Variants in CCDC3 observed in about 807,000 individuals in gnomAD.
The protein encoded by CCDC3 is coiled-coil domain-containing protein 3.
CCDC3 carries 24 observed loss-of-function variants against 21.4 expected under a neutral mutation model. The ratio of observed to expected loss-of-function variants is 1.12; its 90% CI spans 0.81 to 1.58. CCDC3 has a LOEUF of 1.58. CCDC3 is among the 40% of genes most tolerant of loss of function. CCDC3 has a pLI of 0.00. For missense variants in CCDC3, 425 were observed against 360.9 expected (o/e 1.18, Z -1.44); for synonymous variants, 186 against 166.0 (o/e 1.12, Z -0.93).
intron 5 of CCDC3, among the ~76,000 whole-genome samples, chr10:13,030,781 A>G (rs1183758752): frequency 6.6e-6 from 1 of 152,232 alleles, no homozygotes; most frequent in African/African-American, 2.4e-5. Context: ...GATCAATTCA[A>G]CAAGAAGAGC....
chr10:13,055,133 C>T (rs1836664768), intron 4 of CCDC3, among the ~76,000 whole-genome samples: 1 of 152,190 alleles, frequency 6.6e-6, no homozygotes, highest in Non-Finnish European at 1.5e-5. Context: ...TGGTGCTGGC[C>T]TTTGGCCTCT....
chr10:13,041,504 AT>A lies in CCDC3; in HGVS notation c.-2+8169del, dbSNP rs71477255. Among the ~76,000 whole-genome samples the A allele has an allele frequency of 1.0e-3, 62 of 62,114 alleles. 1 individual carries two copies. Among genetic ancestry groups the A allele is most frequent in the South Asian group, 8.4e-3 (13 of 1,540 alleles). 40.7% of individuals were successfully genotyped at this position (62,114 alleles called of 152,430 possible). A position where few individuals can be genotyped will look rare whatever the true frequency, so the allele number is the denominator to read the frequency against. On this transcript the variant is annotated intron_variant, in intron 5 of 6. Coordinates refer to the CCDC3 transcript ENST00000378839. ...GTTCACTCCAAGTGTCTGGCAGATA[AT>A]TTTTTTTTTTTTTTTTTTTTTTTTT...
At chr10:13,004,323 T>C (rs1378694587), upstream of CCDC3, among the ~76,000 whole-genome samples, 3 of 152,150 alleles carry the variant, frequency 2.0e-5, no homozygotes, top group Non-Finnish European at 4.4e-5. Context: ...TTCCAGGTGA[T>C]GGGACATGTG....
chr10:13,005,390 C>A (rs1835914752), upstream of CCDC3, among the ~76,000 whole-genome samples: 1 of 152,210 alleles, frequency 6.6e-6, no homozygotes, highest in South Asian at 2.1e-4. Flanking sequence ...CCTGCCCAAT[C>A]CCAGTCTCTT....
At chr10:13,022,006 T>A (rs825419) in intron 5 of CCDC3, among the ~76,000 whole-genome samples, 2 of 152,064 alleles carry the variant, frequency 1.3e-5, no homozygotes, top group South Asian at 4.2e-4. Context: ...GTGATCTGCC[T>A]GCCTTGGCCT....
chr10:13,091,262 T>G (rs1433507686), intron 3 of CCDC3, among the ~76,000 whole-genome samples: 1 of 152,164 alleles, frequency 6.6e-6, no homozygotes, highest in Non-Finnish European at 1.5e-5. Context: ...TCCTTCAATC[T>G]GATCAAGTTG....
rs1392514200 is a variant in CCDC3 at position 12,998,388 on chromosome 10, GC to G, written c.498del (p.Gln167SerfsTer55). Reference protein sequence around the residue: ...SLFQFSNCSQGQQLATFSSDW... With the variant: ...SLFQFSNCSQXQQLATFSSDW... ...TCACTGGAGAAAGTCGCCAGCTGCT[GC>G]CCTTGCGAACAGTTTGAAAACTGGA... On this transcript the variant is annotated frameshift_variant, in exon 2 of 3. Transcript: ENST00000378825. LOFTEE classifies it high-confidence loss of function. The G allele has an allele frequency of 6.2e-7, 1 of 1,614,140 alleles. No homozygotes were observed. The highest frequency in any genetic ancestry group is 1.7e-5 in the Admixed American group (1 of 60,024).
chr10:13,057,528 C>T (rs1450806476), intron 4 of CCDC3, among the ~76,000 whole-genome samples: 1 of 151,942 alleles, frequency 6.6e-6, no homozygotes, highest in Non-Finnish European at 1.5e-5. Context: ...CTATTACTTG[C>T]TTTTTTTCTT....
chr10:12,955,415 T>G (rs1835068288), intron 2 of CCDC3, among the ~76,000 whole-genome samples: 1 of 152,222 alleles, frequency 6.6e-6, no homozygotes, highest in African/African-American at 2.4e-5. Flanking sequence ...ACAGCCTTTC[T>G]TAGGCAAATT....
chr10:12,957,085 A>C (rs1835101007), intron 2 of CCDC3, among the ~76,000 whole-genome samples: 1 of 152,226 alleles, frequency 6.6e-6, no homozygotes, highest in East Asian at 1.9e-4. Flanking sequence ...ATCATCAGAA[A>C]GGACAAGGGC....
In CCDC3 at chr10:12,904,091, T is replaced by TGTATTTCA. The variant is rs1834132971; in HGVS notation, c.550-5413_550-5412insTGAAATAC. On this transcript the variant is annotated intron_variant, in intron 2 of 2. Coordinates refer to ENST00000378825, the MANE Select transcript of CCDC3 (RefSeq NM_031455.4). ...CTTTTCCAGTCATCGGTCTGTACACTTCCCGTGAGTATTTCATGGGAGCTG... is the reference window on the plus strand; with the variant it reads ...CTTTTCCAGTCATCGGTCTGTACACTGTATTTCATCCCGTGAGTATTTCATGGGAGCTG... Among the ~76,000 whole-genome samples, 5 of 152,132 alleles carry TGTATTTCA rather than the reference T, an allele frequency of 3.3e-5. No homozygotes were observed. The South Asian group carries it at 1.0e-3, about 32-fold the overall frequency.
intron 2 of CCDC3, among the ~76,000 whole-genome samples, chr10:12,991,491 TTG>T (rs1242786809): frequency 1.3e-5 from 2 of 152,172 alleles, no homozygotes; most frequent in Admixed American, 1.3e-4. Flanking sequence ...TGGCTAATTT[TTG>T]TGTGTTTAGT....
At chr10:12,975,759 A>C (rs1307953421) in intron 2 of CCDC3, among the ~76,000 whole-genome samples, 1 of 152,186 alleles carries the variant, frequency 6.6e-6, no homozygotes, top group Non-Finnish European at 1.5e-5. Context: ...ACTTTCACAG[A>C]AAGGTCTCAA....
intron 2 of CCDC3, among the ~76,000 whole-genome samples, chr10:12,957,162 T>C (rs1835101973): frequency 6.6e-6 from 1 of 152,184 alleles, no homozygotes; most frequent in Admixed American, 6.5e-5. Context: ...CAGGCCCAGA[T>C]GGCCTAAGCA....
chr10:13,003,889 G>A (rs985479385), upstream of CCDC3, among the ~76,000 whole-genome samples: 7 of 152,122 alleles, frequency 4.6e-5, no homozygotes, highest in South Asian at 4.2e-4. Context: ...GCAAGAAATC[G>A]TCCTCATGGA....
intron 5 of CCDC3, among the ~76,000 whole-genome samples, chr10:13,038,872 C>T (rs570458089): frequency 1.3e-5 from 2 of 152,314 alleles, no homozygotes; most frequent in South Asian, 4.1e-4. Context: ...GCACTTATGT[C>T]TCCTTGTGGC....
intron 3 of CCDC3, among the ~76,000 whole-genome samples, chr10:13,087,423 G>A (rs1837124821): frequency 6.6e-6 from 1 of 150,726 alleles, no homozygotes; most frequent in Non-Finnish European, 1.5e-5. Context: ...AAAAAAAATG[G>A]TGCTAGGAAC....
chr10:13,049,050 C>T (rs1326050551), intron 5 of CCDC3, among the ~76,000 whole-genome samples: 1 of 152,110 alleles, frequency 6.6e-6, no homozygotes, highest in East Asian at 1.9e-4. Flanking sequence ...AGGATCAGAT[C>T]ACCTGACTCG....
At chr10:13,042,500 G>A (rs560100821) in intron 5 of CCDC3, among the ~76,000 whole-genome samples, 1 of 152,346 alleles carries the variant, frequency 6.6e-6, no homozygotes, top group East Asian at 1.9e-4. Flanking sequence ...CCTGGTTGAA[G>A]CCAAATATTG....
Sources: gnomAD v4.1 joint callset for allele counts (sites outside exome capture counted in the v4.1 genomes callset) on GRCh38, gnomAD v4.1.1 for gene constraint, MANE v1.5 for transcripts, NCBI Gene and HGNC (gene_info 2026-07-23, HGNC 2026-07-21) for gene names.